The following ZFHX3 variants were observed in gnomAD, a reference collection of about 807,000 sequenced individuals.
The protein encoded by ZFHX3 is zinc finger homeobox protein 3.
ZFHX3 carries 42 observed loss-of-function variants against 279.1 expected under a neutral mutation model. That is an observed-to-expected ratio of 0.15 (90% CI 0.12 to 0.19). ZFHX3 has a LOEUF of 0.19. Among genes scored for constraint, ZFHX3 ranks in the 10% least tolerant of loss-of-function variants. The pLI, the probability that ZFHX3 is intolerant of heterozygous loss-of-function variation, is 1.00. For synonymous variants in ZFHX3, 2,293 were observed against 1,957.8 expected (o/e 1.17, Z -4.52); for missense variants, 4,981 against 4,754.0 (o/e 1.05, Z -1.40).
intron 1 of ZFHX3, among the ~76,000 whole-genome samples, chr16:73,684,336 T>TTGTGTG (rs10637195): frequency 6.7e-6 from 1 of 149,720 alleles, no homozygotes; most frequent in East Asian, 2.0e-4. Context: ...GTGTGTGTGT[T>TTGTGTG]TGTGTGTGTG....
At chr16:73,712,951 G>A (rs559503334) in intron 1 of ZFHX3, among the ~76,000 whole-genome samples, 22 of 152,292 alleles carry the variant, frequency 1.4e-4, no homozygotes, top group Non-Finnish European at 2.6e-4. Context: ...GCTGATGGGG[G>A]CTCCGCATTG....
chr16:73,474,443 C>T (rs1363806916), intron 2 of ZFHX3, among the ~76,000 whole-genome samples: 1 of 152,180 alleles, frequency 6.6e-6, no homozygotes, highest in Non-Finnish European at 1.5e-5. Context: ...GCCACCGCAC[C>T]CAGCCTCTTC....
At chr16:73,143,835 A>C in intron 5 of ZFHX3, 1 of 1,274,544 alleles carries the variant, frequency 7.8e-7, no homozygotes. Flanking sequence ...TTCCGAGCTG[A>C]AGAAGAAAAG....
chr16:73,665,976 C>T lies in ZFHX3; in HGVS notation c.-1547+14204G>A, dbSNP rs149356587. 1.1e-3 allele frequency among the ~76,000 whole-genome samples: 173 copies of T among 151,500 alleles called. 1 individual carries two copies. The highest frequency in any genetic ancestry group is 2.0e-3 in the Non-Finnish European group (134 of 67,962). Reference sequence around the variant, plus strand: ...GACTACAGGAGACCACCACCACGCCCGGCTAATTTTTTTGTATTTTTAGTA... The same window carrying T: ...GACTACAGGAGACCACCACCACGCCTGGCTAATTTTTTTGTATTTTTAGTA... On this transcript the variant is annotated intron_variant, in intron 2 of 17. Transcript: ENST00000641206.
At chr16:73,670,313 G>A (rs1364654373) in intron 2 of ZFHX3, among the ~76,000 whole-genome samples, 2 of 152,134 alleles carry the variant, frequency 1.3e-5, no homozygotes, top group Admixed American at 6.5e-5. Context: ...CAAGAGAGAG[G>A]CCAACACCTC....
At chr16:73,383,524 G>C (rs965164480) in intron 3 of ZFHX3, among the ~76,000 whole-genome samples, 2 of 152,218 alleles carry the variant, frequency 1.3e-5, no homozygotes, top group African/African-American at 4.8e-5. Context: ...AGGCAGCGGA[G>C]CTGACATTTT....
intron 3 of ZFHX3, among the ~76,000 whole-genome samples, chr16:73,375,918 T>A (rs1475763564): frequency 1.3e-5 from 2 of 152,258 alleles, no homozygotes; most frequent in East Asian, 3.8e-4. Context: ...ATCCACTGGA[T>A]ACACCGTTGG....
At chr16:73,180,035 T>A (rs1325845395) in intron 5 of ZFHX3, among the ~76,000 whole-genome samples, 1 of 152,188 alleles carries the variant, frequency 6.6e-6, no homozygotes, top group Non-Finnish European at 1.5e-5. Flanking sequence ...TAGAAGGTGA[T>A]AAATCAAGGG....
At chr16:73,168,272 T>TTTCTTTCTTTCTTTC (rs1567408226) in intron 5 of ZFHX3, among the ~76,000 whole-genome samples, 2 of 149,826 alleles carry the variant, frequency 1.3e-5, no homozygotes, top group African/African-American at 4.9e-5. Context: ...TCTTTCTTTC[T>TTTCTTTCTTTCTTTC]TTCTTTCGAG....
chr16:72,994,010 A>G (rs1404304259), intron 1 of ZFHX3, among the ~76,000 whole-genome samples: 2 of 152,188 alleles, frequency 1.3e-5, no homozygotes, highest in Non-Finnish European at 2.9e-5. Flanking sequence ...AGCCCCGACG[A>G]CAGATTTCTC....
At chr16:73,135,367 G>T (rs988389155) in intron 6 of ZFHX3, among the ~76,000 whole-genome samples, 1 of 152,160 alleles carries the variant, frequency 6.6e-6, no homozygotes, top group Non-Finnish European at 1.5e-5. Context: ...GTTATTTTAG[G>T]TTCCAGGACA....
chr16:73,548,390 T>C (rs2020154636), intron 2 of ZFHX3, among the ~76,000 whole-genome samples: 1 of 152,148 alleles, frequency 6.6e-6, no homozygotes, highest in African/African-American at 2.4e-5. Context: ...AAAAAAGACC[T>C]TTTGTGCTTA....
At position 73,735,271 on chromosome 16, in the gene ZFHX3, G is replaced by T. The variant is rs138941615; in HGVS notation, c.-1607-55031C>A. Among the ~76,000 whole-genome samples the T allele has an allele frequency of 7.0e-3, 1,058 of 151,788 alleles. 6 individuals are homozygous for T. Among genetic ancestry groups the T allele is most frequent in the Non-Finnish European group, 0.011 (730 of 67,972 alleles). On this transcript the variant is annotated intron_variant, in intron 1 of 17. Coordinates refer to the ZFHX3 transcript ENST00000641206. ...GGTGAGTCAGAGACCTGAGTCATAG[G>T]GTTATGAGTCAACTATAAGGTTTGA...
chr16:73,566,529 A>G (rs1435826432), intron 2 of ZFHX3, among the ~76,000 whole-genome samples: 1 of 151,360 alleles, frequency 6.6e-6, no homozygotes. Flanking sequence ...GGCTTTGTAG[A>G]CTCATCATCC....
At position 73,371,163 on chromosome 16, in the gene ZFHX3, A is replaced by C. The variant is rs186892296; in HGVS notation, c.-1290-52827T>G. Among the ~76,000 whole-genome samples, 602 of 151,748 alleles carry C rather than the reference A, an allele frequency of 4.0e-3. 4 individuals are homozygous for C. Among genetic ancestry groups the C allele is most frequent in the African/African-American group, 0.014 (578 of 41,440 alleles). ...ATGGTGAAAACCTGTCTCTACTAAA[A>C]ATATGTGGTGGTGCGTGCCTGTAGT... On this transcript the variant is annotated intron_variant, in intron 3 of 17. Coordinates refer to the ZFHX3 transcript ENST00000641206.
At chr16:73,378,708 G>A (rs2016768251) in intron 3 of ZFHX3, among the ~76,000 whole-genome samples, 1 of 152,110 alleles carries the variant, frequency 6.6e-6, no homozygotes, top group Admixed American at 6.5e-5. Flanking sequence ...TCTGCTCTCT[G>A]TTCCTTCTCC....
chr16:73,617,823 T>A (rs1453053627), intron 2 of ZFHX3, among the ~76,000 whole-genome samples: 1 of 152,114 alleles, frequency 6.6e-6, no homozygotes. Context: ...CTTTTCTGGG[T>A]AGGAAAATGA....
chr16:73,850,613 C>T (rs1400489346), intron 1 of ZFHX3, among the ~76,000 whole-genome samples: 3 of 152,120 alleles, frequency 2.0e-5, no homozygotes, highest in African/African-American at 7.2e-5. Context: ...CCAGGGGAAG[C>T]TCTGGGGCAT....
chr16:72,783,362 C>CAACA lies in ZFHX3; in HGVS notation c.*3798_*3801dup, dbSNP rs1419970705. Reference sequence around the variant, plus strand: ...TTCACAGTGGGCAGTATCTCAGCGCCAACAAACAACTCAATTTATGCTTCT... The same window carrying CAACA: ...TTCACAGTGGGCAGTATCTCAGCGCCAACAAACAAACAACTCAATTTATGCTTCT... On this transcript the variant is annotated 3_prime_UTR_variant, in exon 10 of 10. Transcript: ENST00000268489. 1 of 152,174 alleles carries CAACA rather than the reference C, an allele frequency of 6.6e-6. No individual in the cohort carries two copies. Among genetic ancestry groups the CAACA allele is most frequent in the South Asian group, 2.1e-4 (1 of 4,796 alleles). The allele number at this position is 152,174 out of a possible 1,614,324, so 9.4% of individuals were successfully genotyped here.
Sources: gnomAD v4.1 joint callset for allele counts (sites outside exome capture counted in the v4.1 genomes callset) on GRCh38, gnomAD v4.1.1 for gene constraint, MANE v1.5 for transcripts, NCBI Gene and HGNC (gene_info 2026-07-23, HGNC 2026-07-21) for gene names.